Variants in SNAP23 observed in about 807,000 individuals in gnomAD.
The protein encoded by SNAP23 is synaptosome associated protein 23, also known as synaptosomal-associated protein 23.
Under a neutral mutation model 29.0 loss-of-function variants are expected in SNAP23, and 11 were observed. The observed-to-expected ratio is 0.38, with a 90% CI of 0.24 to 0.63. SNAP23 has a LOEUF of 0.63. Among genes scored for constraint, SNAP23 ranks in the 20% least tolerant of loss-of-function variants. SNAP23 has a pLI of 0.58. For missense variants in SNAP23, 220 were observed against 253.9 expected (o/e 0.87, Z 0.91); for synonymous variants, 60 against 82.9 (o/e 0.72, Z 1.50).
At chr15:42,522,716 TAAA>T (rs10553237) in intron 5 of SNAP23, among the ~76,000 whole-genome samples, 3,249 of 104,888 alleles carry the variant, frequency 0.031, 129 homozygotes, top group African/African-American at 0.094. Context: ...CAACCAAAAC[TAAA>T]AAAAAAAAAA....
At chr15:42,522,008 A>G in intron 5 of SNAP23, 1 of 189,704 alleles carries the variant, frequency 5.3e-6, no homozygotes, top group Non-Finnish European at 1.1e-5. Flanking sequence ...TCTAGTTCTG[A>G]TAAAAGGTAA....
intron 6 of SNAP23, 27 bp downstream of exon 6, chr15:42,528,447 G>C: frequency 6.2e-7 from 1 of 1,611,230 alleles, no homozygotes; most frequent in Admixed American, 1.7e-5. Flanking sequence ...TGATATTCCT[G>C]TACCTTTCTT....
intron 7 of SNAP23, among the ~76,000 whole-genome samples, chr15:42,530,764 AAAAG>A (rs1416120725): frequency 6.6e-6 from 1 of 152,210 alleles, no homozygotes; most frequent in African/African-American, 2.4e-5. Flanking sequence ...AGAAAGGAAA[AAAAG>A]AAAGTCATAC....
rs1009684296 is a variant in SNAP23 at position 42,520,383 on chromosome 15, A to G, written c.266+5029A>G. 8.5e-5 allele frequency among the ~76,000 whole-genome samples: 13 copies of G among 152,128 alleles called. No homozygotes were observed. The East Asian group carries it at 2.5e-3, about 29-fold the overall frequency. On this transcript the variant is annotated intron_variant, in intron 5 of 7. Coordinates refer to ENST00000249647, the MANE Select transcript of SNAP23 (RefSeq NM_003825.4). ...TTTTTTAAAATCACATATCTTAGGC[A>G]GTAATTGATAAATTGTAATTCTAAT...
chr15:42,509,411 C>T (rs2057341452), intron 1 of SNAP23, among the ~76,000 whole-genome samples: 1 of 150,914 alleles, frequency 6.6e-6, no homozygotes, highest in South Asian at 2.1e-4. Flanking sequence ...TTTTCATGAG[C>T]ACTAATGGCT....
chr15:42,522,709 C>T (rs1297441332), intron 5 of SNAP23, among the ~76,000 whole-genome samples: 2 of 114,598 alleles, frequency 1.7e-5, no homozygotes, highest in Admixed American at 1.9e-4. Context: ...ATTGATGCAA[C>T]CAAAACTAAA....
At chr15:42,510,744 C>T (rs2141522188) in intron 1 of SNAP23, among the ~76,000 whole-genome samples, 1 of 152,228 alleles carries the variant, frequency 6.6e-6, no homozygotes, top group East Asian at 1.9e-4. Flanking sequence ...AAGAGTATAT[C>T]CATGGCAAGG....
At position 42,531,721 on chromosome 15, in the gene SNAP23, A is replaced by C; in HGVS notation, c.*243A>C. 2.9e-6 allele frequency: 1 copy of C among 350,324 alleles called. No individual in the cohort carries two copies. Among genetic ancestry groups the C allele is most frequent in the South Asian group, 8.8e-5 (1 of 11,428 alleles). 21.7% of individuals were successfully genotyped at this position (350,324 alleles called of 1,614,324 possible). ...ACGCTTAGATTGGTTTTCATATGTC[A>C]TGTTTAGTGTTTTCATCCTCCTCAT... is the stretch of plus-strand genomic sequence containing the variant. On this transcript the variant is annotated 3_prime_UTR_variant, in exon 8 of 8. Coordinates refer to ENST00000249647, the MANE Select transcript of SNAP23 (RefSeq NM_003825.4).
intron 5 of SNAP23, among the ~76,000 whole-genome samples, chr15:42,526,594 C>T (rs754823214): frequency 2.6e-5 from 4 of 152,138 alleles, no homozygotes; most frequent in Non-Finnish European, 4.4e-5. Context: ...CTCTTCCCTA[C>T]CTTTTTAATT....
Position 42,511,878 on chromosome 15 carries a change from A to T in SNAP23, c.32A>T (p.Gln11Leu). MDNLSSEEIQ[Q>L]RAHQITDESL... ...AATCTGTCATCAGAAGAAATTCAAC[A>T]GAGAGCTCACCAGATTACTGATGAG... Residue 11 changes from glutamine (Q) to leucine (L), a missense_variant, in exon 2 of 8, where the codon CAG (glutamine) becomes CTG (leucine). Gln to Leu is a moderately radical substitution (Grantham distance 113, BLOSUM62 -2). Transcript: ENST00000249647. The T allele has an allele frequency of 6.3e-7, 1 of 1,598,906 alleles. No homozygotes were observed. The highest frequency in any genetic ancestry group is 8.5e-7 in the Non-Finnish European group (1 of 1,171,646).
In SNAP23 at chr15:42,528,280, T is replaced by C. The variant is rs1566820715; in HGVS notation, c.285T>C (p.Ser95=). Residue 95 remains serine, a synonymous_variant, in exon 6 of 8, where the codon TCT becomes TCC. Coordinates refer to ENST00000249647, the MANE Select transcript of SNAP23 (RefSeq NM_003825.4). ...TATATAGAACAAAGAACTTTGAGTC[T>C]GGCAAGGCTTATAAGACAACATGGG... The part of the protein sequence containing the change: ...CPCNRTKNFE[S]GKAYKTTWGD... The C allele has an allele frequency of 9.3e-6, 15 of 1,614,106 alleles. No individual in the cohort carries two copies. The highest frequency in any genetic ancestry group is 1.2e-5 in the Non-Finnish European group (14 of 1,179,964).
intron 1 of SNAP23, among the ~76,000 whole-genome samples, chr15:42,503,207 C>T (rs919382888): frequency 2.6e-5 from 4 of 151,778 alleles, no homozygotes; most frequent in Admixed American, 6.6e-5. Context: ...TTTGTTTTTT[C>T]GTGTTGTTTT....
rs2057570408 is a variant in SNAP23, at chr15:42,532,056, C to A, written c.*578C>A. Reference sequence around the variant, plus strand: ...TTTGTTAGGCATCACAGTTTTGCAACCTCTGCTCCAAAGAGAAAAATAGAA... The same window carrying A: ...TTTGTTAGGCATCACAGTTTTGCAAACTCTGCTCCAAAGAGAAAAATAGAA... On this transcript the variant is annotated 3_prime_UTR_variant, in exon 8 of 8. Coordinates refer to ENST00000249647, the MANE Select transcript of SNAP23 (RefSeq NM_003825.4). The A allele has an allele frequency of 6.6e-6, 1 of 151,910 alleles. No homozygotes were observed. The highest frequency in any genetic ancestry group is 2.1e-4 in the South Asian group (1 of 4,828). The allele number at this position is 151,910 out of a possible 1,614,324, so 9.4% of individuals were successfully genotyped here. A position where few individuals can be genotyped will look rare whatever the true frequency, so the allele number is the denominator to read the frequency against.
At chr15:42,501,557 G>A (rs1184482949) in intron 1 of SNAP23, among the ~76,000 whole-genome samples, 2 of 152,036 alleles carry the variant, frequency 1.3e-5, no homozygotes, top group South Asian at 2.1e-4. Context: ...ACGCCACCAG[G>A]CCTGGCTGAT....
Position 42,511,859 on chromosome 15 carries a change from T to C in SNAP23, c.13T>C (p.Ser5Pro). The part of the protein sequence containing the change: MDNL[S>P]SEEIQQRAHQ... Reference sequence around the variant, plus strand: ...GTTTTGATTCATCATGGATAATCTGTCATCAGAAGAAATTCAACAGAGAGC... The same window carrying C: ...GTTTTGATTCATCATGGATAATCTGCCATCAGAAGAAATTCAACAGAGAGC... The change falls in exon 2 of 8, where the codon TCA becomes CCA. Residue 5 changes from serine (S) to proline (P), a missense_variant. By Grantham distance (74) the Ser-to-Pro change is moderately conservative (BLOSUM62 -1). Transcript: ENST00000249647. The C allele has an allele frequency of 6.3e-7, 1 of 1,595,740 alleles. No individual in the cohort carries two copies. The highest frequency in any genetic ancestry group is 1.7e-5 in the Admixed American group (1 of 58,150).
At chr15:42,520,696 G>A (rs551840943) in intron 5 of SNAP23, among the ~76,000 whole-genome samples, 20 of 151,588 alleles carry the variant, frequency 1.3e-4, no homozygotes, top group East Asian at 5.9e-4. Flanking sequence ...GGGTTTCACC[G>A]TGTTAGCCAG....
chr15:42,511,513 G>A (rs2057357775), intron 1 of SNAP23, among the ~76,000 whole-genome samples: 2 of 152,118 alleles, frequency 1.3e-5, no homozygotes, highest in African/African-American at 4.8e-5. Flanking sequence ...CACTTTAATA[G>A]TCTTTTAATG....
At chr15:42,528,474 AGGAGATGAGTTT>A in intron 6 of SNAP23, 54 bp downstream of exon 6, 1 of 1,568,684 alleles carries the variant, frequency 6.4e-7, no homozygotes, top group East Asian at 2.2e-5. Context: ...TGGTTCACTT[AGGAGATGAGTTT>A]AGCAGTACAT....
chr15:42,501,949 G>T (rs2057274130), intron 1 of SNAP23, among the ~76,000 whole-genome samples: 1 of 151,466 alleles, frequency 6.6e-6, no homozygotes, highest in Non-Finnish European at 1.5e-5. Context: ...ATACTATGTT[G>T]TCTTTTGTAT....
Sources: gnomAD v4.1 joint callset for allele counts (sites outside exome capture counted in the v4.1 genomes callset) on GRCh38, gnomAD v4.1.1 for gene constraint, MANE v1.5 for transcripts, NCBI Gene and HGNC (gene_info 2026-07-23, HGNC 2026-07-21) for gene names.